Variants in GLIS1 observed in about 807,000 individuals in gnomAD.
The protein encoded by GLIS1 is GLIS family zinc finger 1.
A neutral mutation model predicts 63.8 loss-of-function variants in GLIS1; 24 were observed. The observed-to-expected ratio is 0.38, with a 90% CI of 0.27 to 0.53. The LOEUF is 0.53. Among genes scored for constraint, GLIS1 ranks in the 20% least tolerant of loss-of-function variants. The pLI, the probability that GLIS1 is intolerant of heterozygous loss-of-function variation, is 0.85. For missense variants in GLIS1, 1,036 were observed against 1,074.1 expected, an observed-to-expected ratio of 0.96 and a Z score of 0.50; for synonymous variants, 450 against 482.5, an observed-to-expected ratio of 0.93 and a Z score of 0.88.
chr1:53,624,073 G>A (rs1645571252), intron 2 of GLIS1, among the ~76,000 whole-genome samples: 1 of 152,164 alleles, frequency 6.6e-6, no homozygotes, highest in Admixed American at 6.5e-5. Flanking sequence ...AAATATTAGA[G>A]ATCTAGAATA....
At chr1:53,690,565 G>A (rs987338675) in intron 2 of GLIS1, among the ~76,000 whole-genome samples, 21 of 152,386 alleles carry the variant, frequency 1.4e-4, no homozygotes, top group East Asian at 3.9e-4. Flanking sequence ...CAAGCAGGAC[G>A]CTGTGGCGCA....
chr1:53,664,913 G>GT (rs1491148388), intron 2 of GLIS1, among the ~76,000 whole-genome samples: 1 of 152,176 alleles, frequency 6.6e-6, no homozygotes, highest in East Asian at 1.9e-4. Context: ...AGCACAGATG[G>GT]TGTGTGAGGG....
At chr1:53,512,550 G>T (rs1644307274) in intron 8 of GLIS1, among the ~76,000 whole-genome samples, 1 of 152,144 alleles carries the variant, frequency 6.6e-6, no homozygotes, top group African/African-American at 2.4e-5. Context: ...AGGAAGTGGA[G>T]GCTGAAGGCC....
intron 2 of GLIS1, among the ~76,000 whole-genome samples, chr1:53,628,234 G>A (rs1268841902): frequency 6.6e-6 from 1 of 152,168 alleles, no homozygotes. Flanking sequence ...CTGGGTCTCT[G>A]ATCTCAATAG....
chr1:53,584,242 T>C (rs914491042), intron 4 of GLIS1, among the ~76,000 whole-genome samples: 2 of 152,230 alleles, frequency 1.3e-5, no homozygotes, highest in Non-Finnish European at 2.9e-5. Flanking sequence ...CCAATTTCCT[T>C]ACACTAGACC....
intron 4 of GLIS1, among the ~76,000 whole-genome samples, chr1:53,552,022 C>A (rs1301229989): frequency 1.3e-5 from 2 of 152,152 alleles, no homozygotes; most frequent in Non-Finnish European, 2.9e-5. Flanking sequence ...ACAAACTCTG[C>A]AACCATACAC....
chr1:53,730,856 G>A (rs1375496871), intron 2 of GLIS1, among the ~76,000 whole-genome samples: 1 of 144,400 alleles, frequency 6.9e-6, no homozygotes, highest in Non-Finnish European at 1.5e-5. Flanking sequence ...TGACACAAAA[G>A]ACCCATTTCT....
At chr1:53,573,306 A>G (rs1645001056) in intron 4 of GLIS1, among the ~76,000 whole-genome samples, 1 of 152,080 alleles carries the variant, frequency 6.6e-6, no homozygotes, top group Non-Finnish European at 1.5e-5. Context: ...ACCTATTTCA[A>G]TAGCTTTCTC....
At chr1:53,561,124 T>C (rs1407303036) in intron 4 of GLIS1, among the ~76,000 whole-genome samples, 1 of 152,180 alleles carries the variant, frequency 6.6e-6, no homozygotes, top group Non-Finnish European at 1.5e-5. Context: ...TCCACTACTC[T>C]TCCCTAGTCC....
At position 53,709,403 on chromosome 1, in the gene GLIS1, T is replaced by TATATAC. The variant is rs1557534436; in HGVS notation, c.259+28402_259+28403insGTATAT. Among the ~76,000 whole-genome samples the TATATAC allele has an allele frequency of 4.0e-3, 61 of 15,154 alleles. 1 individual carries two copies. The highest frequency in any genetic ancestry group is 0.027 in the Admixed American group (25 of 938). 9.9% of individuals were successfully genotyped at this position (15,154 alleles called of 152,430 possible). ...ATATATACATATATATACATATACA[T>TATATAC]ATATATATACACACACACACACACA... is the stretch of plus-strand genomic sequence containing the variant. On this transcript the variant is annotated intron_variant, in intron 2 of 10. Coordinates refer to ENST00000628545, the MANE Select transcript of GLIS1 (RefSeq NM_001367484.1).
chr1:53,614,473 C>T (rs1360814668), intron 2 of GLIS1, among the ~76,000 whole-genome samples: 2 of 151,952 alleles, frequency 1.3e-5, no homozygotes, highest in African/African-American at 2.4e-5. Flanking sequence ...AGCAAGGTGA[C>T]GGAGGCAGGC....
intron 8 of GLIS1, among the ~76,000 whole-genome samples, chr1:53,512,607 G>GCTGGGC (rs949838849): frequency 6.6e-6 from 1 of 152,104 alleles, no homozygotes; most frequent in Non-Finnish European, 1.5e-5. Context: ...ACCCATTCAC[G>GCTGGGC]CTGGGCCTGG....
intron 4 of GLIS1, among the ~76,000 whole-genome samples, chr1:53,535,988 G>A (rs958972861): frequency 6.6e-6 from 1 of 152,166 alleles, no homozygotes; most frequent in South Asian, 2.1e-4. Context: ...TGCAAAGCTG[G>A]CCTCCACGCT....
chr1:53,634,379 C>G (rs772785823), intron 2 of GLIS1, among the ~76,000 whole-genome samples: 61 of 152,072 alleles, frequency 4.0e-4, no homozygotes, highest in African/African-American at 1.3e-3. Context: ...ACCCTGAGCT[C>G]GCCAATGTTT....
chr1:53,663,366 G>A (rs1189090960), intron 2 of GLIS1, among the ~76,000 whole-genome samples: 1 of 152,246 alleles, frequency 6.6e-6, no homozygotes, highest in African/African-American at 2.4e-5. Flanking sequence ...GGGCTGCCAA[G>A]GCTGAGGAGG....
At chr1:53,590,539 G>A (rs1335416402) in intron 4 of GLIS1, among the ~76,000 whole-genome samples, 1 of 152,108 alleles carries the variant, frequency 6.6e-6, no homozygotes, top group Non-Finnish European at 1.5e-5. Flanking sequence ...TTCTGCAGTC[G>A]CAGACAATCA....
At chr1:53,531,188 C>G (rs940551786) in intron 4 of GLIS1, among the ~76,000 whole-genome samples, 1 of 151,976 alleles carries the variant, frequency 6.6e-6, no homozygotes, top group African/African-American at 2.4e-5. Context: ...AGGAGGCTGG[C>G]CCCCTCTCAT....
chr1:53,647,496 T>C (rs1310018176), intron 2 of GLIS1, among the ~76,000 whole-genome samples: 2 of 152,100 alleles, frequency 1.3e-5, no homozygotes, highest in African/African-American at 4.8e-5. Context: ...TTCTATACAA[T>C]GTCGGAAAAA....
intron 6 of GLIS1, among the ~76,000 whole-genome samples, chr1:53,522,501 C>T (rs1027956577): frequency 6.6e-6 from 1 of 152,228 alleles, no homozygotes; most frequent in Non-Finnish European, 1.5e-5. Flanking sequence ...GGCCCTCAAC[C>T]TGAGAGCAGT....
Sources: allele counts gnomAD v4.1 joint callset (sites outside exome capture counted in the v4.1 genomes callset), GRCh38; gene constraint gnomAD v4.1.1; transcripts MANE v1.5; gene names NCBI Gene and HGNC (gene_info 2026-07-23, HGNC 2026-07-21).